Variants in N4BP2 observed in about 807,000 individuals in gnomAD.
The protein encoded by N4BP2 is NEDD4-binding protein 2.
Under a neutral mutation model 152.8 loss-of-function variants are expected in N4BP2, and 91 were observed. That is an observed-to-expected ratio of 0.60 (90% CI 0.50 to 0.71). N4BP2 has a LOEUF of 0.71. Among genes scored for constraint, N4BP2 ranks in the 30% least tolerant of loss-of-function variants. The probability of loss-of-function intolerance (pLI) is 0.00; values close to 1 mark genes in which losing one functional copy is unlikely to be tolerated. For synonymous variants in N4BP2, 646 were observed against 705.3 expected, an observed-to-expected ratio of 0.92 and a Z score of 1.33; for missense variants, 1,923 against 2,059.1, an observed-to-expected ratio of 0.93 and a Z score of 1.28.
chr4:40,121,921 A>G lies in N4BP2; in HGVS notation c.3810A>G (p.Val1270=), dbSNP rs764793858. ...TGAGTGAAACAGAAAAAAACCTAGT[A>G]GTCACAGAGACTGGAGACAACATAC... ...KDMSETEKNL[V]VTETGDNIHS... is the part of the protein sequence containing the mutation. The change falls in exon 9 of 18, where the codon GTA becomes GTG. Residue 1270 remains valine, a synonymous_variant. Coordinates refer to ENST00000261435, the MANE Select transcript of N4BP2 (RefSeq NM_018177.6). The G allele has an allele frequency of 1.0e-5, 16 of 1,591,458 alleles. No individual in the cohort carries two copies. The African/African-American group carries it at 1.5e-4, about 15-fold the overall frequency.
intron 1 of N4BP2, among the ~76,000 whole-genome samples, chr4:40,069,394 G>GA (rs1489376996): frequency 1.3e-5 from 2 of 152,038 alleles, no homozygotes; most frequent in Admixed American, 1.3e-4. Context: ...ACCACTGCAC[G>GA]AAAGAGTGAG....
At chr4:40,185,453 A>T in the N4BP2 span, among the ~76,000 whole-genome samples, 1 of 152,184 alleles carries the variant, frequency 6.6e-6, no homozygotes, top group Non-Finnish European at 1.5e-5. Context: ...TAGAAATCTC[A>T]TTATTGTATA....
rs1560651530 is a variant in N4BP2 at position 40,152,920 on chromosome 4, GTT to G, written c.5267+18_5267+19del. 5 of 1,612,344 alleles carry G rather than the reference GTT, an allele frequency of 3.1e-6. No homozygotes were observed. The Admixed American group carries it at 8.4e-5, about 27-fold the overall frequency. ...TAGCTTCAGGTGAGTGTAGATTTCT[GTT>G]ATTAATAATGGCAACTGCCCATATA... is the stretch of plus-strand genomic sequence containing the variant. On this transcript the variant is annotated intron_variant, in intron 17 of 17. Coordinates refer to ENST00000261435, the MANE Select transcript of N4BP2 (RefSeq NM_018177.6).
chr4:40,070,327 G>T (rs868831962), intron 1 of N4BP2, among the ~76,000 whole-genome samples: 24 of 152,230 alleles, frequency 1.6e-4, no homozygotes, highest in Middle Eastern at 6.8e-3. Context: ...TCTTTTAAAA[G>T]ATTATATAAG....
At chr4:40,189,921 T>TACACACAC in the N4BP2 span, among the ~76,000 whole-genome samples, 18 of 149,342 alleles carry the variant, frequency 1.2e-4, no homozygotes, top group South Asian at 4.2e-4. This position sits in a 1 kb window ranked among gnomAD's most constrained non-coding sequence, Gnocchi z 4.3. Context: ...CACAGACACA[T>TACACACAC]ACACACACAC....
chr4:40,131,730 C>A, intron 12 of N4BP2, 71 bp from the exon 13 acceptor site: 2 of 1,106,344 alleles, frequency 1.8e-6, no homozygotes, highest in Non-Finnish European at 2.7e-6. Flanking sequence ...AACAAGTTAA[C>A]CATGCCTTTG....
At chr4:40,184,662 A>C in the N4BP2 span, among the ~76,000 whole-genome samples, 2 of 152,072 alleles carry the variant, frequency 1.3e-5, no homozygotes, top group Non-Finnish European at 2.9e-5. Flanking sequence ...TTTCATATTA[A>C]ATTGAGATTT....
chr4:40,151,706 A>G (rs1721169210), intron 16 of N4BP2, among the ~76,000 whole-genome samples: 2 of 152,242 alleles, frequency 1.3e-5, no homozygotes, highest in South Asian at 2.1e-4. Context: ...TGCACTGTGA[A>G]TACCTTTGTG....
intron 11 of N4BP2, among the ~76,000 whole-genome samples, chr4:40,125,160 A>G (rs746556820): frequency 4.6e-5 from 7 of 152,184 alleles, no homozygotes; most frequent in Non-Finnish European, 8.8e-5. Flanking sequence ...TGCTCATGTC[A>G]TAGCCTCAAG....
At chr4:40,173,488 G>T in the N4BP2 span, among the ~76,000 whole-genome samples, 1 of 152,204 alleles carries the variant, frequency 6.6e-6, no homozygotes, top group African/African-American at 2.4e-5. Flanking sequence ...TACACACTAC[G>T]TGAGAGGTAT....
rs539179895 is a variant in N4BP2, at chr4:40,155,636, T to G, written c.*1399T>G. 2 of 152,258 alleles carry G rather than the reference T, an allele frequency of 1.3e-5. No homozygotes were observed. Among genetic ancestry groups the G allele is most frequent in the Admixed American group, 6.5e-5 (1 of 15,290 alleles). The allele number at this position is 152,258 out of a possible 1,614,324, so 9.4% of individuals were successfully genotyped here. A position where few individuals can be genotyped will look rare whatever the true frequency, so the allele number is the denominator to read the frequency against. ...TCCAATATGAGACAATGGCTTAAAT[T>G]TGCCTTTGGAGATGGAGAATATTTT... On this transcript the variant is annotated 3_prime_UTR_variant, in exon 18 of 18. Transcript: ENST00000261435.
At position 40,103,005 on chromosome 4, in the gene N4BP2, C is replaced by G. The variant is rs757700792; in HGVS notation, c.1160C>G (p.Ala387Gly). The change falls in exon 4 of 18, where the codon GCT becomes GGT. Residue 387 changes from alanine to glycine, a missense_variant. Transcript: ENST00000261435. ...HGFVAPVVTT[A>G]AHWRSVNYTF... ...TTTGTAGCTCCTGTTGTAACCACAG[C>G]TGCACACTGGAGATCTGTCAACTAC... The G allele has an allele frequency of 6.2e-7, 1 of 1,614,128 alleles. No individual in the cohort carries two copies. Among genetic ancestry groups the G allele is most frequent in the South Asian group, 1.1e-5 (1 of 91,082 alleles).
intron 2 of N4BP2, among the ~76,000 whole-genome samples, chr4:40,086,125 C>T (rs938504547): frequency 6.1e-5 from 6 of 98,328 alleles, no homozygotes; most frequent in South Asian, 5.2e-4. Context: ...CCAACATGCC[C>T]GGCTAATTTT....
chr4:40,139,965 A>T (rs567327596), intron 14 of N4BP2, among the ~76,000 whole-genome samples: 1 of 148,622 alleles, frequency 6.7e-6, no homozygotes, highest in East Asian at 2.0e-4. Context: ...ACACCTGGCT[A>T]ATTTTTGTAT....
intron 2 of N4BP2, among the ~76,000 whole-genome samples, chr4:40,078,344 G>T (rs879662060): frequency 7.9e-5 from 12 of 151,814 alleles, no homozygotes; most frequent in Non-Finnish European, 1.8e-4. Context: ...CACCATGTTG[G>T]CCAGGCAGGT....
chr4:40,092,045 TAG>T (rs1491264359), intron 2 of N4BP2, among the ~76,000 whole-genome samples: 79 of 102,654 alleles, frequency 7.7e-4, no homozygotes, highest in African/African-American at 2.7e-3. Context: ...TATATATATA[TAG>T]CTGAATTTTA....
intron 16 of N4BP2, among the ~76,000 whole-genome samples, chr4:40,151,780 T>G (rs534904448): frequency 6.6e-6 from 1 of 152,294 alleles, no homozygotes; most frequent in East Asian, 1.9e-4. Flanking sequence ...GGATTAGAGA[T>G]GGAGATCATA....
At chr4:40,144,906 G>T (rs1207480790) in intron 16 of N4BP2, 106 bp downstream of exon 16, 2 of 804,428 alleles carry the variant, frequency 2.5e-6, no homozygotes, top group Non-Finnish European at 3.8e-6. Flanking sequence ...GAGAATATCT[G>T]TGTAACATCT....
At chr4:40,172,450 T>C in the N4BP2 span, among the ~76,000 whole-genome samples, 2 of 152,244 alleles carry the variant, frequency 1.3e-5, no homozygotes, top group Non-Finnish European at 2.9e-5. Flanking sequence ...CAAGTTAAAA[T>C]GGGGGTAATT....
Sources: allele counts gnomAD v4.1 joint callset (sites outside exome capture counted in the v4.1 genomes callset), GRCh38; gene constraint gnomAD v4.1.1; non-coding constraint Gnocchi (gnomAD v3.1); transcripts MANE v1.5; gene names NCBI Gene and HGNC (gene_info 2026-07-23, HGNC 2026-07-21).